The following ENTPD8 variants were observed in gnomAD, a reference collection of about 807,000 sequenced individuals.
The protein encoded by ENTPD8 is E-NTPDase 8.
In ENTPD8, 35 loss-of-function variants were observed where a neutral mutation model predicts 47.0. The observed-to-expected ratio is 0.75, with a 90% CI of 0.57 to 0.99. ENTPD8 has a LOEUF of 0.99. ENTPD8 is among the 50% of genes least tolerant of loss of function. The probability of loss-of-function intolerance (pLI) is 0.00; values close to 1 mark genes in which losing one functional copy is unlikely to be tolerated. For synonymous variants in ENTPD8, 308 were observed against 290.5 expected (o/e 1.06, Z -0.61); for missense variants, 668 against 649.9 (o/e 1.03, Z -0.30).
rs766255832 is a variant in ENTPD8 at position 137,436,562 on chromosome 9, G to A, written c.745C>T (p.Arg249Trp). Reference protein sequence around the residue: ...VYTHSYLCFGRDQMLSRLLVG... With the variant: ...VYTHSYLCFGWDQMLSRLLVG... Reference sequence around the variant, plus strand: ...AGGAGCCTGCTCAGCATCTGGTCCCGTCCAAAGCACAGGTAGCTGTGAGTG... The same window carrying A: ...AGGAGCCTGCTCAGCATCTGGTCCCATCCAAAGCACAGGTAGCTGTGAGTG... Residue 249 changes from arginine to tryptophan, a missense_variant, in exon 6 of 10, where the codon CGG becomes TGG. Coordinates refer to ENST00000371506, the MANE Select transcript of ENTPD8 (RefSeq NM_001033113.2). 2.2e-5 allele frequency: 36 copies of A among 1,611,550 alleles called. No individual in the cohort carries two copies. The highest frequency in any genetic ancestry group is 5.0e-5 in the Admixed American group (3 of 59,836).
chr9:137,439,255 G>A (rs899755261), intron 1 of ENTPD8, among the ~76,000 whole-genome samples: 2 of 152,162 alleles, frequency 1.3e-5, no homozygotes, highest in African/African-American at 4.8e-5. Flanking sequence ...CCCTGTGGCC[G>A]AGGTGTCCAC....
chr9:137,436,593 G>A lies in ENTPD8; in HGVS notation c.714C>T (p.Ser238=), dbSNP rs750865179. The A allele has an allele frequency of 1.5e-5, 24 of 1,611,740 alleles. No homozygotes were observed. The highest frequency in any genetic ancestry group is 1.6e-4 in the Middle Eastern group (1 of 6,062). ...AGCACAGGTAGCTGTGAGTGTAGAC[G>A]CTGTAGTCGGAGCCGTAGAGGCGAA... ...ADFRLYGSDY[S]VYTHSYLCFG... is the part of the protein sequence containing the mutation. The change falls in exon 6 of 10, where the codon AGC becomes AGT. Residue 238 remains serine (S), a synonymous_variant. Coordinates refer to ENST00000371506, the MANE Select transcript of ENTPD8 (RefSeq NM_001033113.2).
chr9:137,435,166 A>ACGCCCACGCCC lies in ENTPD8; in HGVS notation c.1296+27_1296+37dup, dbSNP rs758462119. The ACGCCCACGCCC allele has an allele frequency of 1.7e-5, 27 of 1,601,322 alleles. No individual in the cohort carries two copies. The East Asian group carries it at 4.2e-4, about 25-fold the overall frequency. On this transcript the variant is annotated intron_variant, in intron 9 of 9. Coordinates refer to ENST00000371506, the MANE Select transcript of ENTPD8 (RefSeq NM_001033113.2). Reference sequence around the variant, plus strand: ...GCTACCCCAGGACCACGACCTGCCCACGCCCACGCCCCGCCCACGCCCAGG... The same window carrying ACGCCCACGCCC: ...GCTACCCCAGGACCACGACCTGCCCACGCCCACGCCCCGCCCACGCCCCGCCCACGCCCAGG...
chr9:137,437,187 C>A lies in ENTPD8; in HGVS notation c.367G>T (p.Gly123Trp), dbSNP rs773858173. 2 of 1,612,984 alleles carry A rather than the reference C, an allele frequency of 1.2e-6. No homozygotes were observed. Among genetic ancestry groups the A allele is most frequent in the Non-Finnish European group, 1.7e-6 (2 of 1,179,982 alleles). The change falls in exon 4 of 10, where the codon GGG becomes TGG. Residue 123 changes from glycine (G) to tryptophan (W), a missense_variant. Physicochemically the swap from Gly to Trp is radical, Grantham distance 184. Coordinates refer to ENST00000371506, the MANE Select transcript of ENTPD8 (RefSeq NM_001033113.2). ...AQHRKTPTFL[G>W]ATAGMRLLSR... is the part of the protein sequence containing the mutation. ...AGCAACCTCATGCCAGCCGTGGCCC[C>A]CAGGAACGTGGGTGTTTTCCGATGC...
chr9:137,439,058 G>T (rs1032871394), intron 1 of ENTPD8, among the ~76,000 whole-genome samples: 2 of 152,114 alleles, frequency 1.3e-5, no homozygotes, highest in Admixed American at 1.3e-4. Flanking sequence ...GGGGCTGTGG[G>T]TGAACCCAGG....
In ENTPD8 at chr9:137,438,136, C is replaced by G; in HGVS notation, c.126+24G>C. On this transcript the variant is annotated intron_variant, in intron 2 of 9. Transcript: ENST00000371506. The surrounding 1 kb of genome is among the most constrained non-coding windows in gnomAD (Gnocchi z 5.7). ...GGCAACACCTGTGGACCCGGCCCGG[C>G]CTCCCCTGCCGGCGGGGACGCACCT... is the stretch of plus-strand genomic sequence containing the variant. The G allele has an allele frequency of 1.2e-6, 2 of 1,609,768 alleles. No homozygotes were observed. The highest frequency in any genetic ancestry group is 1.7e-6 in the Non-Finnish European group (2 of 1,177,742).
At chr9:137,437,505 G>C (rs1453648698) in intron 3 of ENTPD8, among the ~76,000 whole-genome samples, 196 bp from the exon 4 acceptor site, 4 of 152,214 alleles carry the variant, frequency 2.6e-5, no homozygotes, top group African/African-American at 9.6e-5. Flanking sequence ...TCCACACCTT[G>C]TTTTCAGACT....
chr9:137,438,603 G>A lies in ENTPD8; in HGVS notation c.-20-298C>T, dbSNP rs1003484123. On this transcript the variant is annotated intron_variant, in intron 1 of 9. Transcript: ENST00000371506. This position sits in a 1 kb window ranked among gnomAD's most constrained non-coding sequence, Gnocchi z 5.7. ...ATAGAGGCATCCCCGGGGCTCAGAC[G>A]GCCTCCCGTGGCCATAGAGGCATCC... is the stretch of plus-strand genomic sequence containing the variant. Among the ~76,000 whole-genome samples, 5 of 149,422 alleles carry A rather than the reference G, an allele frequency of 3.3e-5. No individual in the cohort carries two copies. The highest frequency in any genetic ancestry group is 2.0e-4 in the East Asian group (1 of 5,082).
rs1043848768 is a variant in ENTPD8 at position 137,437,437 on chromosome 9, A to G, written c.245-128T>C. 20 of 1,197,190 alleles carry G rather than the reference A, an allele frequency of 1.7e-5. No individual in the cohort carries two copies. In the East Asian group the frequency reaches 4.1e-4, roughly 24 times the overall value. 74.2% of individuals were successfully genotyped at this position (1,197,190 alleles called of 1,614,324 possible). A position where few individuals can be genotyped will look rare whatever the true frequency, so the allele number is the denominator to read the frequency against. On this transcript the variant is annotated intron_variant, in intron 3 of 9. Coordinates refer to ENST00000371506, the MANE Select transcript of ENTPD8 (RefSeq NM_001033113.2). ...CAGCCAAGGGCTGCGTGGAGTGCTC[A>G]GGCTGAAGGAAGCAGGAAGGACCCT...
rs1302931422 is a variant in ENTPD8 at position 137,435,813 on chromosome 9, T to C, written c.1067A>G (p.Tyr356Cys). 1 of 1,613,402 alleles carries C rather than the reference T, an allele frequency of 6.2e-7. No homozygotes were observed. The highest frequency in any genetic ancestry group is 1.3e-5 in the African/African-American group (1 of 75,006). The change falls in exon 8 of 10, where the codon TAC becomes TGC. Residue 356 changes from tyrosine to cysteine, a missense_variant. Transcript: ENST00000371506. ...RGQFYAFSNF[Y>C]YTFHFLNLTS... is the part of the protein sequence containing the mutation. ...GAGGTTCAGGAAGTGGAAGGTGTAG[T>C]AGAAGTTGGAGAAGGCCTGAGTGAG...
At position 137,441,297 on chromosome 9, in the gene ENTPD8, G is replaced by A; in HGVS notation, c.-32C>T. On this transcript the variant is annotated 5_prime_UTR_variant, in exon 1 of 10. Coordinates refer to ENST00000371506, the MANE Select transcript of ENTPD8 (RefSeq NM_001033113.2). The stretch of plus-strand genomic sequence containing the variant: ...CTTTGGACCCTCACCTGGGCTGGCT[G>A]CCCACTTCCCGGAGCGGCAAGGAGG... 7.3e-6 allele frequency: 2 copies of A among 273,070 alleles called. No individual in the cohort carries two copies. Among genetic ancestry groups the A allele is most frequent in the South Asian group, 3.1e-5 (1 of 32,310 alleles). 16.9% of individuals were successfully genotyped at this position (273,070 alleles called of 1,614,324 possible).
At chr9:137,437,083 C>T (rs1839386587) in intron 4 of ENTPD8, 55 bp from the exon 5 acceptor site, 2 of 1,601,402 alleles carry the variant, frequency 1.2e-6, no homozygotes, top group Non-Finnish European at 1.7e-6. Flanking sequence ...CCCGGCCCCA[C>T]CCTGCCTGCC....
chr9:137,438,341 T>G lies in ENTPD8; in HGVS notation c.-20-36A>C, dbSNP rs931244408. ...ACGGCCGTGGGCACCCAGGCTGCAC[T>G]TGGTGTCCCCATCCCGCCCTCCAGA... On this transcript the variant is annotated intron_variant, in intron 1 of 9. Coordinates refer to ENST00000371506, the MANE Select transcript of ENTPD8 (RefSeq NM_001033113.2). This position sits in a 1 kb window ranked among gnomAD's most constrained non-coding sequence, Gnocchi z 5.7. 2.0e-6 allele frequency: 3 copies of G among 1,475,202 alleles called. No individual in the cohort carries two copies. The highest frequency in any genetic ancestry group is 4.5e-5 in the Admixed American group (2 of 44,036). 91.4% of individuals were successfully genotyped at this position (1,475,202 alleles called of 1,614,324 possible). A position where few individuals can be genotyped will look rare whatever the true frequency, so the allele number is the denominator to read the frequency against.
At chr9:137,436,848 C>A (rs758780532) in intron 5 of ENTPD8, 21 bp downstream of exon 5, 1 of 1,610,268 alleles carries the variant, frequency 6.2e-7, no homozygotes, top group Non-Finnish European at 8.5e-7. Context: ...CCAGCCCCCG[C>A]CCTCAGGCAG....
At chr9:137,439,548 C>T (rs1839462582) in intron 1 of ENTPD8, among the ~76,000 whole-genome samples, 1 of 152,126 alleles carries the variant, frequency 6.6e-6, no homozygotes, top group Admixed American at 6.5e-5. Context: ...CTGTGGGGTC[C>T]TCACGCAATT....
chr9:137,437,918 G>C, intron 3 of ENTPD8, 49 bp downstream of exon 3: 1 of 1,497,858 alleles, frequency 6.7e-7, no homozygotes, highest in African/African-American at 1.4e-5. Context: ...ATCCCAGCCA[G>C]GCAGCAACAG....
chr9:137,435,272 G>C lies in ENTPD8; in HGVS notation c.1228C>G (p.Leu410Val), dbSNP rs747298693. Residue 410 changes from leucine (L) to valine (V), a missense_variant, in exon 9 of 10, where the codon CTC becomes GTC. Leu to Val is a conservative substitution (Grantham distance 32). Transcript: ENST00000371506. ...CCGTAGCCCTCGTGCAGGAGGGTGA[G>C]GATGTACAGGCCTGAGGCACAGTAG... The part of the protein sequence containing the change: ...RDYCASGLYI[L>V]TLLHEGYGFS... 1 of 1,612,570 alleles carries C rather than the reference G, an allele frequency of 6.2e-7. No individual in the cohort carries two copies. Among genetic ancestry groups the C allele is most frequent in the Admixed American group, 1.7e-5 (1 of 60,022 alleles).
rs142877518 is a variant in ENTPD8 at position 137,438,027 on chromosome 9, G to A, written c.184C>T (p.Leu62=). 1.2e-6 allele frequency: 2 copies of A among 1,612,954 alleles called. No individual in the cohort carries two copies. Among genetic ancestry groups the A allele is most frequent in the African/African-American group, 2.7e-5 (2 of 75,050 alleles). Residue 62 remains leucine, a synonymous_variant, in exon 3 of 10, where the codon CTG becomes TTG. Transcript: ENST00000371506. The surrounding 1 kb of genome is among the most constrained non-coding windows in gnomAD (Gnocchi z 5.7). Reference sequence around the variant, plus strand: ...CCCGTGCCATTCTCCTTGTTCGCCAGCCACTGATACAGGAAGAGGGACGTG... The same window carrying A: ...CCCGTGCCATTCTCCTTGTTCGCCAACCACTGATACAGGAAGAGGGACGTG... ...SHTSLFLYQW[L]ANKENGTGVV...
intron 1 of ENTPD8, among the ~76,000 whole-genome samples, chr9:137,439,118 C>G (rs1363945898): frequency 6.6e-6 from 1 of 152,162 alleles, no homozygotes; most frequent in Non-Finnish European, 1.5e-5. Context: ...TTAACAACAT[C>G]GGTTTCTCTG....
Sources: allele counts gnomAD v4.1 joint callset (sites outside exome capture counted in the v4.1 genomes callset), GRCh38; gene constraint gnomAD v4.1.1; non-coding constraint Gnocchi (gnomAD v3.1); transcripts MANE v1.5; gene names NCBI Gene and HGNC (gene_info 2026-07-23, HGNC 2026-07-21).